ACTR6: variants seen among roughly 807,000 people sequenced by gnomAD.
ACTR6 encodes actin-related protein 6.
A neutral mutation model predicts 52.5 loss-of-function variants in ACTR6; 50 were observed. The ratio of observed to expected loss-of-function variants is 0.95; its 90% CI spans 0.76 to 1.20. The LOEUF is 1.20. Among genes scored for constraint, ACTR6 ranks in the 50% most tolerant of loss-of-function variants. The probability of loss-of-function intolerance (pLI) is 0.00; values close to 1 mark genes in which losing one functional copy is unlikely to be tolerated. For missense variants in ACTR6, 344 were observed against 472.4 expected, an observed-to-expected ratio of 0.73 and a Z score of 2.52; for synonymous variants, 135 against 147.2, an observed-to-expected ratio of 0.92 and a Z score of 0.60.
chr12:100,204,166 G>A (rs202076244), intron 1 of ACTR6: 1 of 152,050 alleles, frequency 6.6e-6, no homozygotes, highest in South Asian at 2.1e-4. Flanking sequence ...GCATTTTTGT[G>A]TTATTATTAT....
chr12:100,204,571 GC>G (rs1403079998), intron 1 of ACTR6, among the ~76,000 whole-genome samples: 3 of 152,098 alleles, frequency 2.0e-5, no homozygotes, highest in African/African-American at 7.2e-5. Flanking sequence ...CACCCTGTTG[GC>G]CAGGCTGGTC....
At chr12:100,203,178 A>T (rs1566289929) in intron 1 of ACTR6, among the ~76,000 whole-genome samples, 1 of 151,964 alleles carries the variant, frequency 6.6e-6, no homozygotes, top group Non-Finnish European at 1.5e-5. Flanking sequence ...CCTGGTGCTC[A>T]CCTCTTGCTA....
rs1408911165 is a variant in ACTR6, at chr12:100,212,354, A to G, written c.671A>G (p.Lys224Arg). Residue 224 changes from lysine to arginine, a missense_variant and splice_region_variant, in exon 7 of 11, where the codon AAG (lysine) becomes AGG (arginine). By Grantham distance (26) the Lys-to-Arg change is conservative. Transcript: ENST00000188312. ...TTTTATAGAGACATGGATATTGCAAAGTATGTATAATGACAATCTAAGAAT... is the reference window on the plus strand; with the variant it reads ...TTTTATAGAGACATGGATATTGCAAGGTATGTATAATGACAATCTAAGAAT... ...QDFYRDMDIA[K>R]LKGEENTVMI... is the part of the protein sequence containing the mutation. 1.2e-6 allele frequency: 2 copies of G among 1,603,742 alleles called. No individual in the cohort carries two copies. The highest frequency in any genetic ancestry group is 1.7e-6 in the Non-Finnish European group (2 of 1,171,810).
At chr12:100,213,555 T>C (rs1005639530) in intron 8 of ACTR6, among the ~76,000 whole-genome samples, 3 of 152,254 alleles carry the variant, frequency 2.0e-5, no homozygotes, top group African/African-American at 7.2e-5. Context: ...ATGTATATTA[T>C]GGCTAACCCA....
intron 8 of ACTR6, among the ~76,000 whole-genome samples, chr12:100,214,246 G>A (rs966072155): frequency 6.6e-6 from 1 of 152,094 alleles, no homozygotes; most frequent in Non-Finnish European, 1.5e-5. Context: ...CCAAATTAGG[G>A]GAGTGTCAGC....
Position 100,207,683 on chromosome 12 carries a change from T to C in ACTR6, c.276T>C (p.Asn92=), listed in dbSNP as rs771390927. The change falls in exon 4 of 11, where the codon AAT becomes AAC. Residue 92 remains asparagine, a synonymous_variant. Coordinates refer to ENST00000188312, the MANE Select transcript of ACTR6 (RefSeq NM_022496.5). ...TATAGGTTGATTTTTTAGATACTAA[T>C]ATTATTATCACTGAACCATACTTTA... The part of the protein sequence containing the change: ...EMYQVDFLDT[N]IIITEPYFNF... 4 of 1,543,170 alleles carry C rather than the reference T, an allele frequency of 2.6e-6. No individual in the cohort carries two copies. The highest frequency in any genetic ancestry group is 2.7e-6 in the Non-Finnish European group (3 of 1,131,182).
rs1431277065 is a variant in ACTR6, at chr12:100,207,660, T to C, written c.256-3T>C. The C allele has an allele frequency of 6.7e-7, 1 of 1,486,530 alleles. No individual in the cohort carries two copies. Among genetic ancestry groups the C allele is most frequent in the Admixed American group, 2.0e-5 (1 of 50,276 alleles). 92.1% of individuals were successfully genotyped at this position (1,486,530 alleles called of 1,614,324 possible). On this transcript the variant is annotated splice_region_variant and splice_polypyrimidine_tract_variant and intron_variant, in intron 3 of 10. Coordinates refer to ENST00000188312, the MANE Select transcript of ACTR6 (RefSeq NM_022496.5). ...AAACATTTTGGAATGTTTTCTCCTA[T>C]AGGTTGATTTTTTAGATACTAATAT...
chr12:100,205,336 C>T (rs140470279), intron 2 of ACTR6: 258 of 296,096 alleles, frequency 8.7e-4, no homozygotes, highest in African/African-American at 5.0e-3. Flanking sequence ...TCTTTTGAAC[C>T]TCTGACATTT....
chr12:100,210,210 T>C lies in ACTR6; in HGVS notation c.515+2T>C. ...AAAGAAAAAAGAAGCAATTATTCGG[T>C]GAGTTGTATTTAATTTTCATGTTGT... On this transcript the variant is annotated splice_donor_variant, in intron 5 of 10. Transcript: ENST00000188312. LOFTEE classifies it high-confidence loss of function. 6.2e-7 allele frequency: 1 copy of C among 1,601,834 alleles called. No individual in the cohort carries two copies. The highest frequency in any genetic ancestry group is 8.5e-7 in the Non-Finnish European group (1 of 1,172,420).
chr12:100,205,144 C>T, intron 2 of ACTR6, 87 bp downstream of exon 2: 5 of 727,120 alleles, frequency 6.9e-6, no homozygotes, highest in Non-Finnish European at 1.0e-5. Flanking sequence ...CTGTGTGTAA[C>T]TTAAATTTTA....
Position 100,210,089 on chromosome 12 carries a change from A to G in ACTR6, c.396A>G (p.Ala132=), listed in dbSNP as rs35481956. The part of the protein sequence containing the change: ...VLRVNAGALS[A]HRYFRDNPSE... ...TTTAAATAGCTGGGGCTCTCAGTGC[A>G]CATAGGTATTTCCGAGATAATCCTT... The change falls in exon 5 of 11, where the codon GCA becomes GCG. Residue 132 remains alanine, a synonymous_variant. Transcript: ENST00000188312. 30 of 1,603,298 alleles carry G rather than the reference A, an allele frequency of 1.9e-5. No individual in the cohort carries two copies. Among genetic ancestry groups the G allele is most frequent in the Non-Finnish European group, 2.5e-5 (29 of 1,177,644 alleles).
chr12:100,212,030 A>G (rs2096120265), intron 6 of ACTR6, among the ~76,000 whole-genome samples: 2 of 152,180 alleles, frequency 1.3e-5, no homozygotes, highest in Non-Finnish European at 2.9e-5. Flanking sequence ...CTTTGTTTTC[A>G]GTTTCCTTAC....
chr12:100,222,292 T>G (rs2096128978), intron 10 of ACTR6, among the ~76,000 whole-genome samples: 1 of 141,000 alleles, frequency 7.1e-6, no homozygotes, highest in Admixed American at 7.5e-5. Context: ...ACAGTCTCGC[T>G]CTGTTACCAG....
chr12:100,207,730 C>A lies in ACTR6; in HGVS notation c.323C>A (p.Ser108Ter). ...TTTAACTTCACTTCAATTCAAGAAT[C>A]AATGAATGAAATTCTATTTGAAGAA... The part of the protein sequence containing the change: ...PYFNFTSIQE[S>*]MNEILFEEYQ... Residue 108 changes from serine to a stop codon, truncating the protein, a stop_gained, in exon 4 of 11, where the codon TCA becomes TAA. Coordinates refer to ENST00000188312, the MANE Select transcript of ACTR6 (RefSeq NM_022496.5). LOFTEE classifies it high-confidence loss of function. The A allele has an allele frequency of 6.3e-7, 1 of 1,593,156 alleles. No individual in the cohort carries two copies. Among genetic ancestry groups the A allele is most frequent in the South Asian group, 1.1e-5 (1 of 90,194 alleles).
In ACTR6 at chr12:100,205,500, T is replaced by A. The variant is rs182355337; in HGVS notation, c.187-176T>A. On this transcript the variant is annotated intron_variant, in intron 2 of 10. Coordinates refer to ENST00000188312, the MANE Select transcript of ACTR6 (RefSeq NM_022496.5). ...CAGAATTTAAAGTATAATAAAAAAA[T>A]TTTTTTTTAAATTAAAAAAAAGAAA... 1,601 of 365,760 alleles carry A rather than the reference T, an allele frequency of 4.4e-3. 17 individuals are homozygous for A. The highest frequency in any genetic ancestry group is 0.029 in the South Asian group (290 of 9,948). 22.7% of individuals were successfully genotyped at this position (365,760 alleles called of 1,614,324 possible). A position where few individuals can be genotyped will look rare whatever the true frequency, so the allele number is the denominator to read the frequency against.
chr12:100,205,667 A>G lies in ACTR6; in HGVS notation c.187-9A>G, dbSNP rs779806999. The stretch of plus-strand genomic sequence containing the variant: ...TCTTGATAATTAAATTTATAAAAAC[A>G]TTTTTTAGGGCTACTTGGTGAATTG... On this transcript the variant is annotated splice_polypyrimidine_tract_variant and intron_variant, in intron 2 of 10. Coordinates refer to ENST00000188312, the MANE Select transcript of ACTR6 (RefSeq NM_022496.5). The G allele has an allele frequency of 6.7e-6, 10 of 1,498,676 alleles. No individual in the cohort carries two copies. In the East Asian group the frequency reaches 2.0e-4, roughly 30 times the overall value. The allele number at this position is 1,498,676 out of a possible 1,614,324, so 92.8% of individuals were successfully genotyped here.
rs747135115 is a variant in ACTR6 at position 100,223,939 on chromosome 12, T to C, written c.*24T>C. The C allele has an allele frequency of 6.3e-7, 1 of 1,598,030 alleles. No homozygotes were observed. Among genetic ancestry groups the C allele is most frequent in the Non-Finnish European group, 8.5e-7 (1 of 1,176,094 alleles). On this transcript the variant is annotated 3_prime_UTR_variant, in exon 11 of 11. Coordinates refer to ENST00000188312, the MANE Select transcript of ACTR6 (RefSeq NM_022496.5). Reference sequence around the variant, plus strand: ...AAGCAACATTTTTGAATGAAAGTTGTGACCATAAGGTTTAATTTCAAAGTT... The same window carrying C: ...AAGCAACATTTTTGAATGAAAGTTGCGACCATAAGGTTTAATTTCAAAGTT...
chr12:100,203,153 A>C (rs1479357025), intron 1 of ACTR6, among the ~76,000 whole-genome samples: 1 of 151,786 alleles, frequency 6.6e-6, no homozygotes. Flanking sequence ...TTACGGCCCC[A>C]CCCTCCTTCC....
chr12:100,201,625 A>G (rs964271342), intron 1 of ACTR6, among the ~76,000 whole-genome samples: 11 of 152,176 alleles, frequency 7.2e-5, no homozygotes, highest in African/African-American at 2.7e-4. Context: ...AATTGTTACA[A>G]TCTTTCTGGA....
Sources: allele counts gnomAD v4.1 joint callset (sites outside exome capture counted in the v4.1 genomes callset), GRCh38; gene constraint gnomAD v4.1.1; transcripts MANE v1.5; gene names NCBI Gene and HGNC (gene_info 2026-07-23, HGNC 2026-07-21).